THSD4: variants seen among roughly 807,000 people sequenced by gnomAD.
THSD4 encodes the protein thrombospondin type-1 domain-containing protein 4.
A neutral mutation model predicts 119.0 loss-of-function variants in THSD4; 69 were observed. That is an observed-to-expected ratio of 0.58 (90% CI 0.48 to 0.71). The LOEUF (loss-of-function observed/expected upper bound fraction) is 0.71. THSD4 is among the 30% of genes least tolerant of loss of function. The pLI, the probability that THSD4 is intolerant of heterozygous loss-of-function variation, is 0.00. For missense variants in THSD4, 1,393 were observed against 1,391.1 expected, an observed-to-expected ratio of 1.00 and a Z score of -0.02; for synonymous variants, 524 against 540.4, an observed-to-expected ratio of 0.97 and a Z score of 0.42.
chr15:71,214,475 G>A (rs1365716088), intron 3 of THSD4, among the ~76,000 whole-genome samples: 2 of 152,344 alleles, frequency 1.3e-5, no homozygotes, highest in Admixed American at 1.3e-4. Context: ...AAGAAACTCC[G>A]TGACACCACC....
chr15:71,714,745 C>G lies in THSD4; in HGVS notation c.1358-13804C>G, dbSNP rs111984161. Among the ~76,000 whole-genome samples, 497 of 152,198 alleles carry G rather than the reference C, an allele frequency of 3.3e-3. 8 individuals are homozygous for G. The highest frequency in any genetic ancestry group is 0.011 in the African/African-American group (476 of 41,522). ...CCTGTAATCCTAGCTACTTGGGAGG[C>G]TGAGGCAGGAGAATCGCTTGTGGAG... On this transcript the variant is annotated intron_variant, in intron 8 of 17. Coordinates refer to ENST00000261862, the MANE Select transcript of THSD4 (RefSeq NM_024817.3).
intron 6 of THSD4, among the ~76,000 whole-genome samples, chr15:71,290,194 G>A (rs549670963): frequency 6.6e-6 from 1 of 152,294 alleles, no homozygotes; most frequent in East Asian, 1.9e-4. Context: ...CAGTGTATGA[G>A]ACATGTCTGT....
chr15:71,469,952 A>G (rs1477398519), intron 7 of THSD4, among the ~76,000 whole-genome samples: 1 of 152,240 alleles, frequency 6.6e-6, no homozygotes, highest in East Asian at 1.9e-4. Context: ...GTGTCAAATG[A>G]GCACAGAGGA....
chr15:71,469,787 C>T (rs2140636859), intron 7 of THSD4, among the ~76,000 whole-genome samples: 1 of 152,264 alleles, frequency 6.6e-6, no homozygotes, highest in Middle Eastern at 3.4e-3. Context: ...TCCTGTGGCA[C>T]CTGACATATA....
chr15:71,736,736 A>G (rs2053120130), intron 10 of THSD4, among the ~76,000 whole-genome samples: 1 of 152,074 alleles, frequency 6.6e-6, no homozygotes, highest in South Asian at 2.1e-4. Context: ...CTGGCCCCTC[A>G]GGGACATCCA....
At chr15:71,317,776 G>A (rs1158520666) in intron 6 of THSD4, among the ~76,000 whole-genome samples, 1 of 152,184 alleles carries the variant, frequency 6.6e-6, no homozygotes, top group African/African-American at 2.4e-5. Flanking sequence ...CTATCACTTA[G>A]TATTGACATT....
At chr15:71,373,035 C>CA (rs1484985979) in intron 6 of THSD4, among the ~76,000 whole-genome samples, 1 of 152,194 alleles carries the variant, frequency 6.6e-6, no homozygotes, top group African/African-American at 2.4e-5. Context: ...AATCTTGCAA[C>CA]AACCTCCTTT....
intron 7 of THSD4, among the ~76,000 whole-genome samples, chr15:71,491,438 C>G (rs1353933805): frequency 6.6e-6 from 1 of 152,172 alleles, no homozygotes; most frequent in Non-Finnish European, 1.5e-5. Context: ...AAGAGAGAGA[C>G]CTAAGCTAGC....
chr15:71,677,745 C>T (rs1034011281), intron 8 of THSD4, among the ~76,000 whole-genome samples: 2 of 152,158 alleles, frequency 1.3e-5, no homozygotes, highest in Admixed American at 1.3e-4. Context: ...ACTGAGTTTT[C>T]CTGTTTGTAC....
chr15:71,669,436 T>G (rs543594761), intron 8 of THSD4, among the ~76,000 whole-genome samples: 56 of 152,322 alleles, frequency 3.7e-4, no homozygotes, highest in African/African-American at 1.3e-3. Flanking sequence ...TTATTATACT[T>G]TAAGTCCTGG....
intron 8 of THSD4, among the ~76,000 whole-genome samples, chr15:71,671,455 G>A (rs1050391573): frequency 6.6e-6 from 1 of 152,166 alleles, no homozygotes; most frequent in Non-Finnish European, 1.5e-5. Flanking sequence ...TCTGATGGTA[G>A]TTTGTTTTGC....
At chr15:71,219,332 C>G (rs1596275551) in intron 4 of THSD4, among the ~76,000 whole-genome samples, 1 of 152,202 alleles carries the variant, frequency 6.6e-6, no homozygotes, top group Non-Finnish European at 1.5e-5. Flanking sequence ...CTGGATGAAG[C>G]TCTTTGGAGA....
intron 6 of THSD4, among the ~76,000 whole-genome samples, chr15:71,330,142 T>C (rs1370428471): frequency 6.6e-6 from 1 of 151,372 alleles, no homozygotes; most frequent in Non-Finnish European, 1.5e-5. Context: ...TGTTGTGCCC[T>C]CCTGGGCCAA....
intron 14 of THSD4, 112 bp downstream of exon 14, chr15:71,748,706 G>GA: frequency 7.3e-7 from 1 of 1,369,956 alleles, no homozygotes. Context: ...CTGGCTCTGG[G>GA]GGGAAAAAAA....
chr15:71,379,724 C>T (rs1296394982), intron 6 of THSD4, among the ~76,000 whole-genome samples: 3 of 151,952 alleles, frequency 2.0e-5, no homozygotes, highest in Non-Finnish European at 4.4e-5. Context: ...TCCCAAAGTG[C>T]TGGGATTACA....
chr15:71,262,079 A>G (rs1177629852), intron 6 of THSD4, among the ~76,000 whole-genome samples: 1 of 152,132 alleles, frequency 6.6e-6, no homozygotes, highest in Non-Finnish European at 1.5e-5. Flanking sequence ...TTGGATGTCT[A>G]CTGCTATTCA....
chr15:71,704,335 T>C (rs1055458748), intron 8 of THSD4, among the ~76,000 whole-genome samples: 4 of 152,208 alleles, frequency 2.6e-5, no homozygotes, highest in African/African-American at 9.6e-5. Context: ...TTCCCACATG[T>C]CGTGGGAGGG....
intron 7 of THSD4, among the ~76,000 whole-genome samples, chr15:71,599,214 G>T (rs1024930600): frequency 8.5e-5 from 13 of 152,252 alleles, no homozygotes; most frequent in South Asian, 8.3e-4. Flanking sequence ...AATCCAATCT[G>T]TTGTCTCTAG....
chr15:71,490,501 A>G (rs2047900192), intron 7 of THSD4, among the ~76,000 whole-genome samples: 1 of 144,460 alleles, frequency 6.9e-6, no homozygotes, highest in Admixed American at 7.3e-5. Flanking sequence ...CAGAGCTTGC[A>G]GTGAGCTGAG....
Sources: allele counts gnomAD v4.1 joint callset (sites outside exome capture counted in the v4.1 genomes callset), GRCh38; gene constraint gnomAD v4.1.1; transcripts MANE v1.5; gene names NCBI Gene and HGNC (gene_info 2026-07-23, HGNC 2026-07-21).